KIF5C: variants seen among roughly 807,000 people sequenced by gnomAD.
KIF5C encodes the protein kinesin family member 5C, also known as kinesin heavy chain isoform 5C.
Under a neutral mutation model 125.2 loss-of-function variants are expected in KIF5C, and 18 were observed. The ratio of observed to expected loss-of-function variants is 0.14; its 90% confidence interval spans 0.10 to 0.21. KIF5C has a LOEUF of 0.21. KIF5C is among the 10% of genes least tolerant of loss of function. The pLI is 1.00. For synonymous variants in KIF5C, 405 were observed against 434.0 expected, an observed-to-expected ratio of 0.93 and a Z score of 0.83; for missense variants, 780 against 1,183.8, an observed-to-expected ratio of 0.66 and a Z score of 5.01.
intron 23 of KIF5C, 127 bp from the exon 24 acceptor site, chr2:149,010,008 G>T: frequency 2.1e-6 from 3 of 1,400,978 alleles, no homozygotes; most frequent in Non-Finnish European, 2.8e-6. Context: ...TTCTGTGGTT[G>T]TACGGAGTGC....
At chr2:148,961,859 C>T in intron 10 of KIF5C, 112 bp from the exon 11 acceptor site, 2 of 1,458,548 alleles carry the variant, frequency 1.4e-6, no homozygotes, top group Admixed American at 4.5e-5. Flanking sequence ...CACAGGATCC[C>T]TTCTGCTTCC....
chr2:148,974,874 C>T (rs1305320988), intron 12 of KIF5C, among the ~76,000 whole-genome samples: 2 of 152,132 alleles, frequency 1.3e-5, no homozygotes, highest in African/African-American at 4.8e-5. Flanking sequence ...GCCTGCATGG[C>T]GGAATCGGGA....
At chr2:148,913,150 G>A (rs147408367) in intron 1 of KIF5C, among the ~76,000 whole-genome samples, 8 of 152,302 alleles carry the variant, frequency 5.3e-5, no homozygotes, top group African/African-American at 1.9e-4. Flanking sequence ...TGCACTCTAG[G>A]TTATATGGCA....
chr2:148,926,657 T>C (rs757439219), intron 2 of KIF5C, among the ~76,000 whole-genome samples: 1 of 152,174 alleles, frequency 6.6e-6, no homozygotes, highest in Non-Finnish European at 1.5e-5. Context: ...TTCCTCTCTC[T>C]GCCTTCCCTC....
chr2:148,908,418 C>T (rs1681199527), intron 1 of KIF5C, among the ~76,000 whole-genome samples: 1 of 152,188 alleles, frequency 6.6e-6, no homozygotes, highest in Non-Finnish European at 1.5e-5. Context: ...GATTTCTCTC[C>T]TCCAGACAAA....
chr2:149,014,273 A>T (rs1238135254), intron 25 of KIF5C, among the ~76,000 whole-genome samples: 1 of 151,974 alleles, frequency 6.6e-6, no homozygotes, highest in Non-Finnish European at 1.5e-5. Flanking sequence ...GATTCCCCCC[A>T]CCTCAGCTTC....
chr2:148,967,242 G>A (rs1006348070), intron 11 of KIF5C, among the ~76,000 whole-genome samples: 2 of 152,156 alleles, frequency 1.3e-5, no homozygotes, highest in African/African-American at 2.4e-5. Context: ...GATTGCAAAC[G>A]ACAGGAATTG....
chr2:148,875,756 G>A lies in KIF5C; in HGVS notation c.126+13G>A. 6.2e-7 allele frequency: 1 copy of A among 1,600,578 alleles called. No individual in the cohort carries two copies. Among genetic ancestry groups the A allele is most frequent in the Non-Finnish European group, 8.5e-7 (1 of 1,174,406 alleles). ...CGTGGTGATCGGGGTAAGTGGCTGG[G>A]GCGTCTGCCTTCCCTGCTGCTCCGC... On this transcript the variant is annotated intron_variant, in intron 1 of 25. Coordinates refer to ENST00000435030, the MANE Select transcript of KIF5C (RefSeq NM_004522.3).
chr2:148,915,084 T>C (rs1383766731), intron 1 of KIF5C, among the ~76,000 whole-genome samples: 1 of 151,856 alleles, frequency 6.6e-6, no homozygotes, highest in East Asian at 1.9e-4. Context: ...AATGGGAAGG[T>C]AGGTAATGGG....
chr2:148,983,913 A>G, intron 15 of KIF5C, 147 bp downstream of exon 15: 1 of 1,189,436 alleles, frequency 8.4e-7, no homozygotes, highest in Non-Finnish European at 1.1e-6. Flanking sequence ...AAAAAGGGCT[A>G]ATTGAATGAC....
At chr2:148,903,091 G>A (rs770870707) in intron 1 of KIF5C, among the ~76,000 whole-genome samples, 6 of 152,172 alleles carry the variant, frequency 3.9e-5, no homozygotes, top group Non-Finnish European at 7.3e-5. Flanking sequence ...TCTGCTTGGG[G>A]AGACATCAGA....
chr2:148,922,359 T>C, intron 2 of KIF5C, 132 bp downstream of exon 2: 2 of 564,100 alleles, frequency 3.5e-6, no homozygotes, highest in East Asian at 6.1e-5. Context: ...CTGAATTCTA[T>C]AGCCTCGGTT....
At chr2:148,986,705 C>T (rs564226077) in intron 15 of KIF5C, among the ~76,000 whole-genome samples, 2 of 152,178 alleles carry the variant, frequency 1.3e-5, no homozygotes, top group Non-Finnish European at 2.9e-5. Flanking sequence ...TCACAAGGTC[C>T]CTCCTGGTAG....
chr2:148,978,464 G>T (rs369904391), intron 12 of KIF5C, among the ~76,000 whole-genome samples: 2 of 150,814 alleles, frequency 1.3e-5, no homozygotes, highest in South Asian at 2.1e-4. Context: ...GGAAACATTG[G>T]CTCTCCCTGC....
chr2:149,012,674 C>T (rs574484519), intron 25 of KIF5C, among the ~76,000 whole-genome samples: 1 of 152,370 alleles, frequency 6.6e-6, no homozygotes, highest in Non-Finnish European at 1.5e-5. Flanking sequence ...CTGTGCTGCC[C>T]CAGGCAGTGC....
chr2:148,992,917 G>A (rs1173872019), intron 16 of KIF5C, among the ~76,000 whole-genome samples: 2 of 152,126 alleles, frequency 1.3e-5, no homozygotes, highest in Non-Finnish European at 2.9e-5. Context: ...CTAACATTTC[G>A]GGGCCAAGGC....
intron 18 of KIF5C, 129 bp from the exon 19 acceptor site, chr2:148,998,271 A>G: frequency 7.0e-7 from 1 of 1,425,258 alleles, no homozygotes; most frequent in Non-Finnish European, 9.4e-7. Flanking sequence ...ACAGCCAGAA[A>G]TGCCCCCAGT....
intron 22 of KIF5C, among the ~76,000 whole-genome samples, chr2:149,006,286 G>T (rs1259742910): frequency 1.3e-5 from 2 of 152,178 alleles, no homozygotes; most frequent in African/African-American, 2.4e-5. Context: ...GATAGAGTCG[G>T]GTCTGAGAGG....
intron 24 of KIF5C, among the ~76,000 whole-genome samples, chr2:149,010,905 G>A (rs550841937): frequency 2.0e-4 from 30 of 152,340 alleles, no homozygotes; most frequent in African/African-American, 6.3e-4. Context: ...TGGGCATTTT[G>A]CCCATGTAGG....
Sources: allele counts gnomAD v4.1 joint callset (sites outside exome capture counted in the v4.1 genomes callset), GRCh38; gene constraint gnomAD v4.1.1; transcripts MANE v1.5; gene names NCBI Gene and HGNC (gene_info 2026-07-23, HGNC 2026-07-21).